The following SLC24A2 variants were observed in gnomAD, a reference collection of about 807,000 sequenced individuals.
The protein encoded by SLC24A2 is solute carrier family 24 member 2.
SLC24A2 carries 36 observed loss-of-function variants against 62.0 expected under a neutral mutation model. The observed-to-expected ratio is 0.58, with a 90% confidence interval of 0.44 to 0.77. The LOEUF is 0.77. Among genes scored for constraint, SLC24A2 ranks in the 30% least tolerant of loss-of-function variants. SLC24A2 has a pLI of 0.00. For missense variants in SLC24A2, 846 were observed against 817.9 expected (o/e 1.03, Z -0.42); for synonymous variants, 358 against 294.0 (o/e 1.22, Z -2.23).
At chr9:20,220,745 T>C in the SLC24A2 span, among the ~76,000 whole-genome samples, 1 of 152,160 alleles carries the variant, frequency 6.6e-6, no homozygotes, top group Non-Finnish European at 1.5e-5. Context: ...TAAAAGCACG[T>C]GAATGCTAAG....
At chr9:19,545,077 T>A (rs1356940716) in intron 8 of SLC24A2, among the ~76,000 whole-genome samples, 1 of 152,172 alleles carries the variant, frequency 6.6e-6, no homozygotes. Flanking sequence ...CAGAGGTGGA[T>A]TTGATCTTTT....
At chr9:19,699,250 A>G (rs4977234) in intron 2 of SLC24A2, among the ~76,000 whole-genome samples, 134,446 of 152,202 alleles carry the variant, frequency 0.88, 59,711 homozygotes, top group East Asian at 1. Flanking sequence ...TAAACATGGG[A>G]AAACATATTC....
At chr9:19,661,656 T>G (rs940860303) in intron 2 of SLC24A2, among the ~76,000 whole-genome samples, 4 of 152,192 alleles carry the variant, frequency 2.6e-5, no homozygotes, top group Non-Finnish European at 4.4e-5. Flanking sequence ...ATAAAGGGTG[T>G]GACAGGAATA....
At chr9:20,098,784 T>G in the SLC24A2 span, among the ~76,000 whole-genome samples, 1 of 152,224 alleles carries the variant, frequency 6.6e-6, no homozygotes, top group Admixed American at 6.5e-5. Context: ...GGGAAAGATA[T>G]GGTTAAATCC....
chr9:20,194,143 A>G, the SLC24A2 span, among the ~76,000 whole-genome samples: 1 of 152,108 alleles, frequency 6.6e-6, no homozygotes, highest in East Asian at 1.9e-4. Flanking sequence ...AGAACTCTGG[A>G]CAAATCAAGG....
At chr9:19,640,752 T>G (rs1280211940) in intron 2 of SLC24A2, among the ~76,000 whole-genome samples, 1 of 152,244 alleles carries the variant, frequency 6.6e-6, no homozygotes, top group East Asian at 1.9e-4. Context: ...AATAAAACTT[T>G]ATTTACAAGA....
the SLC24A2 span, among the ~76,000 whole-genome samples, chr9:20,070,744 G>C: frequency 1.3e-5 from 2 of 152,150 alleles, no homozygotes; most frequent in Non-Finnish European, 2.9e-5. Flanking sequence ...AACCCTCTAA[G>C]GATTTACAAA....
the SLC24A2 span, among the ~76,000 whole-genome samples, chr9:19,907,710 A>G: frequency 1.3e-5 from 2 of 152,258 alleles, no homozygotes; most frequent in Admixed American, 6.5e-5. Context: ...AGAGAGCCAA[A>G]TCATGAGTGA....
At chr9:19,664,104 A>C (rs1222504349) in intron 2 of SLC24A2, among the ~76,000 whole-genome samples, 1 of 152,244 alleles carries the variant, frequency 6.6e-6, no homozygotes, top group Non-Finnish European at 1.5e-5. Context: ...CTGAAGTCAC[A>C]TCACGCATAG....
intron 8 of SLC24A2, among the ~76,000 whole-genome samples, chr9:19,528,574 G>T (rs1048721823): frequency 6.6e-6 from 1 of 152,030 alleles, no homozygotes; most frequent in African/African-American, 2.4e-5. Context: ...CAATCCATAT[G>T]CCAGGAAACC....
intron 2 of SLC24A2, among the ~76,000 whole-genome samples, chr9:19,785,711 T>C (rs1003624261): frequency 6.6e-6 from 1 of 152,248 alleles, no homozygotes; most frequent in Non-Finnish European, 1.5e-5. Flanking sequence ...ACAAGTGTTT[T>C]ACTCTGAAGC....
the SLC24A2 span, among the ~76,000 whole-genome samples, chr9:20,047,182 G>A: frequency 2.0e-5 from 3 of 152,074 alleles, no homozygotes; most frequent in Admixed American, 2.0e-4. Flanking sequence ...CAAGGGAACG[G>A]GCAACAGGAC....
In SLC24A2 at chr9:19,786,036, C is replaced by G; in HGVS notation, c.831G>C (p.Val277=). Residue 277 remains valine (V), a synonymous_variant, in exon 2 of 11, where the codon GTG becomes GTC. Transcript: ENST00000341998. This position sits in a 1 kb window ranked among gnomAD's most constrained non-coding sequence, Gnocchi z 5.0. The part of the protein sequence containing the change: ...LLLLTAYFCY[V]VFMKFNVQVE... Reference sequence around the variant, plus strand: ...CTTGGACGTTGAATTTCATGAAAACCACATAGCAAAAATAAGCTGTTAAGA... The same window carrying G: ...CTTGGACGTTGAATTTCATGAAAACGACATAGCAAAAATAAGCTGTTAAGA... The G allele has an allele frequency of 6.2e-7, 1 of 1,614,086 alleles. No homozygotes were observed. Among genetic ancestry groups the G allele is most frequent in the Non-Finnish European group, 8.5e-7 (1 of 1,179,976 alleles).
At chr9:20,137,660 A>G in the SLC24A2 span, among the ~76,000 whole-genome samples, 5 of 152,164 alleles carry the variant, frequency 3.3e-5, no homozygotes, top group Admixed American at 1.3e-4. Flanking sequence ...GGACCTTTTT[A>G]TTTACCTTGG....
At chr9:19,921,977 C>T in the SLC24A2 span, among the ~76,000 whole-genome samples, 9 of 152,190 alleles carry the variant, frequency 5.9e-5, no homozygotes, top group East Asian at 1.7e-3. Flanking sequence ...AAATGACGCT[C>T]CTTCCCAAGA....
chr9:20,106,844 G>A, the SLC24A2 span, among the ~76,000 whole-genome samples: 1 of 152,018 alleles, frequency 6.6e-6, no homozygotes, highest in Non-Finnish European at 1.5e-5. Flanking sequence ...GGAAGTTCTG[G>A]CCAGGGCAAT....
intron 2 of SLC24A2, among the ~76,000 whole-genome samples, chr9:19,778,700 A>G (rs1027000086): frequency 1.3e-5 from 2 of 152,194 alleles, no homozygotes; most frequent in Non-Finnish European, 2.9e-5. Context: ...TTGACAGGAG[A>G]GCAATCCTCT....
the SLC24A2 span, among the ~76,000 whole-genome samples, chr9:20,081,085 C>G: frequency 6.6e-6 from 1 of 152,168 alleles, no homozygotes; most frequent in Non-Finnish European, 1.5e-5. Flanking sequence ...CCTCAGGGAT[C>G]TAGAACTGGA....
the SLC24A2 span, among the ~76,000 whole-genome samples, chr9:20,249,867 C>T: frequency 6.6e-6 from 1 of 152,024 alleles, no homozygotes; most frequent in Non-Finnish European, 1.5e-5. Flanking sequence ...CCTCTTACAC[C>T]CAGAAAATAA....
Sources: gnomAD v4.1 joint callset for allele counts (sites outside exome capture counted in the v4.1 genomes callset) on GRCh38, gnomAD v4.1.1 for gene constraint, Gnocchi (gnomAD v3.1) non-coding constraint, MANE v1.5 for transcripts, NCBI Gene and HGNC (gene_info 2026-07-23, HGNC 2026-07-21) for gene names.